The following MYO5C variants were observed in gnomAD, a reference collection of about 807,000 sequenced individuals.
MYO5C encodes the protein myosin VC.
In MYO5C, 194 loss-of-function variants were observed where a neutral mutation model predicts 235.7. The observed-to-expected ratio is 0.82, with a 90% confidence interval of 0.73 to 0.93. The LOEUF is 0.93. MYO5C is among the 40% of genes least tolerant of loss of function. MYO5C has a pLI of 0.00. For missense variants in MYO5C, 2,038 were observed against 2,127.2 expected, an observed-to-expected ratio of 0.96 and a Z score of 0.82; for synonymous variants, 707 against 754.8, an observed-to-expected ratio of 0.94 and a Z score of 1.04.
intron 29 of MYO5C, among the ~76,000 whole-genome samples, chr15:52,222,473 C>T (rs556223836): frequency 1.1e-4 from 17 of 152,186 alleles, no homozygotes; most frequent in South Asian, 2.1e-4. Flanking sequence ...GAGAGCGGGG[C>T]GTCCTGGAAG....
intron 11 of MYO5C, among the ~76,000 whole-genome samples, 167 bp from the exon 12 acceptor site, chr15:52,253,624 G>A (rs549016703): frequency 2.0e-5 from 3 of 152,360 alleles, no homozygotes; most frequent in African/African-American, 4.8e-5. Context: ...CAATACCGCC[G>A]AGTTCCTAAA....
At chr15:52,263,540 C>G (rs931052405) in intron 9 of MYO5C, among the ~76,000 whole-genome samples, 10 of 152,130 alleles carry the variant, frequency 6.6e-5, no homozygotes, top group Non-Finnish European at 1.2e-4. Flanking sequence ...TGCAATCCCC[C>G]TCCCCTCTCT....
At chr15:52,284,078 T>C (rs2037213788) in intron 1 of MYO5C, among the ~76,000 whole-genome samples, 2 of 151,944 alleles carry the variant, frequency 1.3e-5, no homozygotes, top group South Asian at 4.1e-4. Flanking sequence ...AATATTAATC[T>C]TTAAAGGCAA....
At chr15:52,278,301 A>G (rs1228129615) in intron 4 of MYO5C, among the ~76,000 whole-genome samples, 1 of 152,186 alleles carries the variant, frequency 6.6e-6, no homozygotes, top group Non-Finnish European at 1.5e-5. Context: ...GAAGCTGTTT[A>G]CTGCCCAGAC....
At chr15:52,269,659 G>A in intron 8 of MYO5C, 94 bp downstream of exon 8, 1 of 772,280 alleles carries the variant, frequency 1.3e-6, no homozygotes, top group Non-Finnish European at 2.2e-6. Flanking sequence ...CCAAAGTGTT[G>A]GGATTACAGG....
chr15:52,256,597 G>GCGCGCGCA (rs1555417685), intron 11 of MYO5C, 42 bp downstream of exon 11: 4 of 1,429,518 alleles, frequency 2.8e-6, no homozygotes, highest in Admixed American at 2.0e-5. Flanking sequence ...ACGCGCGCGC[G>GCGCGCGCA]CGCGGCTGAG....
chr15:52,253,476 T>C lies in MYO5C; in HGVS notation c.1396-19A>G, dbSNP rs754671752. ...AGACATGCTGGGAATCCAAAGTTAA[T>C]ACAGAAAGTAAAACAGAATATTAAA... On this transcript the variant is annotated intron_variant, in intron 11 of 40. Coordinates refer to ENST00000261839, the MANE Select transcript of MYO5C (RefSeq NM_018728.4). 1 of 1,606,340 alleles carries C rather than the reference T, an allele frequency of 6.2e-7. No individual in the cohort carries two copies. Among genetic ancestry groups the C allele is most frequent in the African/African-American group, 1.3e-5 (1 of 74,566 alleles).
intron 9 of MYO5C, among the ~76,000 whole-genome samples, 199 bp downstream of exon 9, chr15:52,263,991 C>T (rs1442836579): frequency 1.3e-5 from 2 of 152,164 alleles, no homozygotes; most frequent in Non-Finnish European, 2.9e-5. Context: ...ATCCATTTCC[C>T]CTCCTCTACT....
chr15:52,205,058 T>C lies in MYO5C; in HGVS notation c.4627A>G (p.Thr1543Ala). 1.9e-6 allele frequency: 3 copies of C among 1,614,212 alleles called. No homozygotes were observed. In the South Asian group the frequency reaches 3.3e-5, roughly 18 times the overall value. The change falls in exon 38 of 41, where the codon ACG becomes GCG. Residue 1543 changes from threonine to alanine, a missense_variant. Thr to Ala is a moderately conservative substitution (Grantham distance 58). Transcript: ENST00000261839. The stretch of plus-strand genomic sequence containing the variant: ...ACGGAGGTCATGGTGTAGCCGTCCG[T>C]GTCGTCTATGCTAGAGGAGCGCTTC... ...FRKRSSSIDD[T>A]DGYTMTSVLQ...
intron 4 of MYO5C, chr15:52,277,297 G>A (rs1413418697): frequency 1.9e-6 from 1 of 514,196 alleles, no homozygotes; most frequent in Non-Finnish European, 3.9e-6. Flanking sequence ...GCTCTTTAGG[G>A]CTGAAGTGAG....
chr15:52,295,361 C>A (rs1221405473), intron 1 of MYO5C, among the ~76,000 whole-genome samples: 1 of 152,122 alleles, frequency 6.6e-6, no homozygotes, highest in South Asian at 2.1e-4. Flanking sequence ...CCAGGCGCAG[C>A]GGAGCCAGGA....
chr15:52,261,251 G>C (rs1399754164), intron 9 of MYO5C, 124 bp from the exon 10 acceptor site: 3 of 1,173,460 alleles, frequency 2.6e-6, no homozygotes, highest in Non-Finnish European at 3.5e-6. Flanking sequence ...GCTGGCACAA[G>C]GACGCCCAGC....
intron 23 of MYO5C, 84 bp downstream of exon 23, chr15:52,235,586 T>C: frequency 2.8e-6 from 3 of 1,054,190 alleles, no homozygotes; most frequent in Non-Finnish European, 4.2e-6. Context: ...CAGAGACCCC[T>C]GGTTCTAAAA....
chr15:52,223,728 T>C lies in MYO5C; in HGVS notation c.3447-4A>G. 1 of 1,611,460 alleles carries C rather than the reference T, an allele frequency of 6.2e-7. No homozygotes were observed. The highest frequency in any genetic ancestry group is 8.5e-7 in the Non-Finnish European group (1 of 1,178,612). On this transcript the variant is annotated splice_polypyrimidine_tract_variant and splice_region_variant and intron_variant, in intron 28 of 40. Transcript: ENST00000261839. ...CTGGAAATGGCTCTCCAAAACACTA[T>C]TAAAGGAGGGGTCAAGAAATAAACC...
chr15:52,201,288 G>A (rs1205155575), intron 38 of MYO5C, among the ~76,000 whole-genome samples: 3 of 152,036 alleles, frequency 2.0e-5, no homozygotes, highest in Non-Finnish European at 2.9e-5. Flanking sequence ...AGTAATCAGC[G>A]AAAAATTATG....
intron 24 of MYO5C, among the ~76,000 whole-genome samples, chr15:52,231,786 C>A (rs2035956635): frequency 6.6e-6 from 1 of 152,144 alleles, no homozygotes; most frequent in Admixed American, 6.5e-5. Flanking sequence ...TGTACCCCAA[C>A]TTTGAGATCT....
At chr15:52,246,877 C>T in intron 16 of MYO5C, 40 bp downstream of exon 16, 7 of 1,531,252 alleles carry the variant, frequency 4.6e-6, no homozygotes, top group Non-Finnish European at 6.3e-6. Flanking sequence ...CAGAAACTGC[C>T]TTCCCACGTC....
At chr15:52,242,591 T>C (rs1275131757) in intron 19 of MYO5C, 2 of 172,742 alleles carry the variant, frequency 1.2e-5, no homozygotes, top group African/African-American at 2.4e-5. Context: ...ATGCCTTAAA[T>C]AGTTATCATC....
Position 52,246,988 on chromosome 15 carries a change from C to T in MYO5C, c.1908G>A (p.Met636Ile). Reference protein sequence around the residue: ...SKFRSSLYLLMETLNATTPHY... With the variant: ...SKFRSSLYLLIETLNATTPHY... ...GGGGCGTCGTCGCATTGAGGGTCTC[C>T]ATGAGCAAGTACAGAGAGCTGCGGA... The change falls in exon 16 of 41, where the codon ATG (methionine) becomes ATA (isoleucine). Residue 636 changes from methionine (M) to isoleucine (I), a missense_variant. Physicochemically the swap from Met to Ile is conservative, Grantham distance 10 (BLOSUM62 1). Transcript: ENST00000261839. The T allele has an allele frequency of 6.2e-7, 1 of 1,614,012 alleles. No individual in the cohort carries two copies.
Sources: allele counts gnomAD v4.1 joint callset (sites outside exome capture counted in the v4.1 genomes callset), GRCh38; gene constraint gnomAD v4.1.1; transcripts MANE v1.5; gene names NCBI Gene and HGNC (gene_info 2026-07-23, HGNC 2026-07-21).